The following PI4K2A variants were observed in gnomAD, a reference collection of about 807,000 sequenced individuals.
The protein encoded by PI4K2A is phosphatidylinositol 4-kinase type 2 alpha.
PI4K2A carries 20 observed loss-of-function variants against 55.0 expected under a neutral mutation model. The ratio of observed to expected loss-of-function variants is 0.36; its 90% CI spans 0.26 to 0.53. The LOEUF is 0.53. Ranked by LOEUF, PI4K2A falls within the 20% of genes least tolerant of loss-of-function variation. PI4K2A has a pLI of 0.91. For synonymous variants in PI4K2A, 235 were observed against 258.5 expected (o/e 0.91, Z 0.87); for missense variants, 463 against 637.1 (o/e 0.73, Z 2.94).
chr10:97,666,257 C>T (rs2041608948), intron 6 of PI4K2A, among the ~76,000 whole-genome samples, 181 bp from the exon 7 acceptor site: 1 of 152,142 alleles, frequency 6.6e-6, no homozygotes, highest in Admixed American at 6.5e-5. Flanking sequence ...GGGTTTGAAC[C>T]CTGGTTCCTC....
intron 1 of PI4K2A, among the ~76,000 whole-genome samples, chr10:97,649,608 G>GGT (rs1564773648): frequency 1.4e-5 from 1 of 73,912 alleles, no homozygotes; most frequent in Non-Finnish European, 3.1e-5. Context: ...TTCCATAATA[G>GGT]ATTTTTTTTT....
chr10:97,658,871 ATCT>A (rs1162980877), intron 4 of PI4K2A, among the ~76,000 whole-genome samples: 1 of 152,102 alleles, frequency 6.6e-6, no homozygotes, highest in Non-Finnish European at 1.5e-5. Flanking sequence ...CCAATCATAT[ATCT>A]TCTTTGGAGC....
chr10:97,673,867 GC>G (rs1382292775), exon 9 of PI4K2A: 2 of 819,846 alleles, frequency 2.4e-6, no homozygotes, highest in Non-Finnish European at 3.9e-6. Flanking sequence ...CTCTCTGCTT[GC>G]CACCCTGCTC....
At chr10:97,667,533 C>T (rs1030919181) in intron 8 of PI4K2A, among the ~76,000 whole-genome samples, 6 of 152,092 alleles carry the variant, frequency 3.9e-5, no homozygotes, top group Non-Finnish European at 5.9e-5. Flanking sequence ...TTTTTAAGTC[C>T]GTTGTGTACA....
chr10:97,650,625 T>A (rs1356886411), intron 1 of PI4K2A, among the ~76,000 whole-genome samples: 3 of 152,176 alleles, frequency 2.0e-5, no homozygotes, highest in Non-Finnish European at 2.9e-5. Flanking sequence ...TCCATTTACC[T>A]TGTTTGTTTG....
exon 9 of PI4K2A, chr10:97,674,775 T>G (rs2041653929): frequency 6.6e-6 from 1 of 152,166 alleles, no homozygotes; most frequent in African/African-American, 2.4e-5. Context: ...TTCTTGGACT[T>G]TTTTCTGTGC....
chr10:97,652,579 G>T (rs1384300131), intron 2 of PI4K2A, among the ~76,000 whole-genome samples: 1 of 152,116 alleles, frequency 6.6e-6, no homozygotes, highest in Non-Finnish European at 1.5e-5. Context: ...GGGATTACAA[G>T]TGTGAGCCAC....
intron 1 of PI4K2A, among the ~76,000 whole-genome samples, chr10:97,649,293 G>A (rs1198861555): frequency 6.6e-6 from 1 of 152,156 alleles, no homozygotes; most frequent in Non-Finnish European, 1.5e-5. Context: ...GGAATTAGAT[G>A]AATGTAAAAC....
intron 4 of PI4K2A, among the ~76,000 whole-genome samples, chr10:97,660,317 A>AC (rs1277480355): frequency 7.6e-6 from 1 of 132,092 alleles, no homozygotes; most frequent in Non-Finnish European, 1.6e-5. Flanking sequence ...TTTTTTTGAG[A>AC]CGGAGTCTCA....
intron 1 of PI4K2A, among the ~76,000 whole-genome samples, chr10:97,649,134 G>T (rs2041518574): frequency 6.6e-6 from 1 of 152,188 alleles, no homozygotes; most frequent in Admixed American, 6.6e-5. Flanking sequence ...CATTCAGGAA[G>T]TGACACCCAC....
intron 8 of PI4K2A, among the ~76,000 whole-genome samples, chr10:97,671,204 A>G (rs961188657): frequency 6.6e-6 from 1 of 152,156 alleles, no homozygotes; most frequent in Admixed American, 6.6e-5. Flanking sequence ...CCTACCAGAG[A>G]AGATAAATGG....
chr10:97,666,292 C>G, intron 6 of PI4K2A, 146 bp from the exon 7 acceptor site: 4 of 672,646 alleles, frequency 5.9e-6, no homozygotes, highest in Non-Finnish European at 1.0e-5. Flanking sequence ...GTAACCTTTA[C>G]AGTTAAGAGC....
At chr10:97,666,532 C>T (rs933998894) in exon 7 of PI4K2A, 3 of 1,613,750 alleles carry the variant, frequency 1.9e-6, no homozygotes, top group East Asian at 2.2e-5. Flanking sequence ...ACCCTAACTT[C>T]GTCAAGGACT....
chr10:97,641,266 G>A (rs913408880), intron 1 of PI4K2A, 89 bp downstream of exon 1: 7 of 958,204 alleles, frequency 7.3e-6, no homozygotes, highest in Non-Finnish European at 1.1e-5. Context: ...AGAGGGAAAA[G>A]GGAGAAACTT....
intron 4 of PI4K2A, among the ~76,000 whole-genome samples, chr10:97,657,293 T>C (rs977950147): frequency 3.3e-5 from 5 of 152,168 alleles, no homozygotes; most frequent in Admixed American, 6.5e-5. Flanking sequence ...GTTTAGATCA[T>C]TGATATTTAA....
At chr10:97,658,665 G>A (rs933238655) in intron 4 of PI4K2A, among the ~76,000 whole-genome samples, 1 of 152,176 alleles carries the variant, frequency 6.6e-6, no homozygotes, top group Non-Finnish European at 1.5e-5. Context: ...AACAGCACAC[G>A]AGGGTTCCTT....
intron 1 of PI4K2A, among the ~76,000 whole-genome samples, chr10:97,643,980 A>T (rs1215969759): frequency 1.3e-5 from 2 of 152,162 alleles, no homozygotes; most frequent in African/African-American, 4.8e-5. Context: ...TAGAGGCAGG[A>T]TTGGGCCAAG....
chr10:97,672,316 C>T (rs1295362100), intron 8 of PI4K2A, among the ~76,000 whole-genome samples: 1 of 152,180 alleles, frequency 6.6e-6, no homozygotes, highest in African/African-American at 2.4e-5. Context: ...GCTGGGATTA[C>T]AGACATGAGC....
At chr10:97,652,037 G>C (rs993279087) in intron 2 of PI4K2A, among the ~76,000 whole-genome samples, 4 of 152,126 alleles carry the variant, frequency 2.6e-5, no homozygotes, top group African/African-American at 7.2e-5. Flanking sequence ...TCCTGGCTCC[G>C]TGCTTAGTCT....
Sources: gnomAD v4.1 joint callset for allele counts (sites outside exome capture counted in the v4.1 genomes callset) on GRCh38, gnomAD v4.1.1 for gene constraint, MANE v1.5 for transcripts, NCBI Gene and HGNC (gene_info 2026-07-23, HGNC 2026-07-21) for gene names.